SLC35D4: variants seen among roughly 807,000 people sequenced by gnomAD.
SLC35D4 encodes the protein UDP-N-acetylglucosamine transporter SLC35D4.
chr18:23,326,347 G>T, the SLC35D4 span, among the ~76,000 whole-genome samples: 4 of 152,126 alleles, frequency 2.6e-5, no homozygotes, highest in Non-Finnish European at 5.9e-5. Context: ...AAAATAAAGG[G>T]ATGCAGGAAG....
the SLC35D4 span, among the ~76,000 whole-genome samples, chr18:23,344,640 C>T: frequency 1.4e-5 from 2 of 143,754 alleles, no homozygotes; most frequent in East Asian, 2.0e-4. Flanking sequence ...CTCGCTCTGT[C>T]GCCCAGGCTG....
At chr18:23,284,624 G>A in the SLC35D4 span, among the ~76,000 whole-genome samples, 6 of 152,180 alleles carry the variant, frequency 3.9e-5, no homozygotes, top group Admixed American at 2.0e-4. Flanking sequence ...CCTTGGGATC[G>A]CTTTCTCAGG....
the SLC35D4 span, chr18:23,309,797 C>A: frequency 6.5e-7 from 1 of 1,546,568 alleles, no homozygotes; most frequent in Non-Finnish European, 8.9e-7. Flanking sequence ...CTCTGGAAAC[C>A]TCCAATGTCA....
At chr18:23,325,781 G>A in the SLC35D4 span, among the ~76,000 whole-genome samples, 1 of 152,012 alleles carries the variant, frequency 6.6e-6, no homozygotes, top group Non-Finnish European at 1.5e-5. Context: ...AATATGAATT[G>A]TGGCCTTTCC....
the SLC35D4 span, among the ~76,000 whole-genome samples, chr18:23,292,897 C>T: frequency 6.6e-6 from 1 of 152,160 alleles, no homozygotes; most frequent in Non-Finnish European, 1.5e-5. Context: ...ACCACCAACA[C>T]CCCCTTCTTT....
the SLC35D4 span, among the ~76,000 whole-genome samples, chr18:23,401,976 G>C: frequency 6.6e-6 from 1 of 152,238 alleles, no homozygotes; most frequent in Non-Finnish European, 1.5e-5. Flanking sequence ...AGCGGAGTGA[G>C]CCTCTGGCTC....
chr18:23,348,436 T>C, the SLC35D4 span, among the ~76,000 whole-genome samples: 20 of 152,372 alleles, frequency 1.3e-4, no homozygotes, highest in African/African-American at 4.1e-4. Flanking sequence ...GAGTGCAGTA[T>C]TGAAATCTCC....
the SLC35D4 span, among the ~76,000 whole-genome samples, chr18:23,411,483 T>TAGAAGGAAAGAA: frequency 1.1e-5 from 1 of 91,730 alleles, no homozygotes; most frequent in Admixed American, 1.2e-4. Flanking sequence ...AAGAAAGAGA[T>TAGAAGGAAAGAA]AGAAAGAAAG....
the SLC35D4 span, among the ~76,000 whole-genome samples, chr18:23,267,278 A>G: frequency 6.6e-6 from 1 of 152,224 alleles, no homozygotes; most frequent in South Asian, 2.1e-4. Flanking sequence ...CAGCGTGCAC[A>G]TGGCCTCAGG....
At chr18:23,308,533 A>G in the SLC35D4 span, among the ~76,000 whole-genome samples, 1 of 151,922 alleles carries the variant, frequency 6.6e-6, no homozygotes, top group Admixed American at 6.6e-5. Flanking sequence ...CTCAAATCCT[A>G]GTGCCTCAGA....
the SLC35D4 span, among the ~76,000 whole-genome samples, chr18:23,240,252 A>G: frequency 1.3e-5 from 2 of 152,162 alleles, no homozygotes; most frequent in East Asian, 3.9e-4. Context: ...GGTTGGCCCC[A>G]CCAGGTTTTG....
chr18:23,333,543 A>G, the SLC35D4 span, among the ~76,000 whole-genome samples: 11 of 152,310 alleles, frequency 7.2e-5, no homozygotes, highest in South Asian at 2.1e-4. Flanking sequence ...TGAATGGCAC[A>G]GCCAAATGGC....
At chr18:23,425,141 C>G in the SLC35D4 span, among the ~76,000 whole-genome samples, 1 of 152,040 alleles carries the variant, frequency 6.6e-6, no homozygotes, top group African/African-American at 2.4e-5. Context: ...CGCACTGTTG[C>G]CCAGATTGGA....
chr18:23,241,515 C>T, the SLC35D4 span, among the ~76,000 whole-genome samples: 4 of 151,984 alleles, frequency 2.6e-5, no homozygotes, highest in Non-Finnish European at 5.9e-5. Flanking sequence ...GGGCGACAAG[C>T]GAAACTACGT....
the SLC35D4 span, among the ~76,000 whole-genome samples, chr18:23,263,126 C>T: frequency 3.3e-5 from 5 of 152,198 alleles, no homozygotes; most frequent in South Asian, 2.1e-4. Flanking sequence ...CAATGACACA[C>T]GATTATGAAG....
chr18:23,297,331 C>G, the SLC35D4 span: 33,235 of 151,838 alleles, frequency 0.22, 4,122 homozygotes, highest in African/African-American at 0.32. Flanking sequence ...ACCAGCCTGG[C>G]CAACACAGTG....
the SLC35D4 span, among the ~76,000 whole-genome samples, chr18:23,242,815 G>A: frequency 6.7e-3 from 1,015 of 152,206 alleles, 9 homozygotes; most frequent in African/African-American, 0.021. Flanking sequence ...TAAAATCTAA[G>A]TACTTGTAGA....
chr18:23,406,897 C>T, the SLC35D4 span, among the ~76,000 whole-genome samples: 5 of 152,222 alleles, frequency 3.3e-5, no homozygotes, highest in Non-Finnish European at 7.3e-5. Flanking sequence ...CCCAACCTCC[C>T]AGGCTCAAGT....
At chr18:23,312,814 A>G in the SLC35D4 span, among the ~76,000 whole-genome samples, 1 of 152,214 alleles carries the variant, frequency 6.6e-6, no homozygotes, top group Admixed American at 6.5e-5. Flanking sequence ...TGGCTCAGTC[A>G]CATTCGACAA....
Sources: allele counts gnomAD v4.1 joint callset (sites outside exome capture counted in the v4.1 genomes callset), GRCh38; gene constraint gnomAD v4.1.1; transcripts MANE v1.5; gene names NCBI Gene and HGNC (gene_info 2026-07-23, HGNC 2026-07-21).